TPD52: variants seen among roughly 807,000 people sequenced by gnomAD.
TPD52 encodes the protein tumor protein D52, also known as prostate and colon associated protein.
TPD52 carries 17 observed loss-of-function variants against 31.3 expected under a neutral mutation model. The ratio of observed to expected loss-of-function variants is 0.54; its 90% CI spans 0.37 to 0.82. TPD52 has a LOEUF of 0.82. Ranked by LOEUF, TPD52 falls within the 40% of genes least tolerant of loss-of-function variation. TPD52 has a pLI of 0.00. For synonymous variants in TPD52, 83 were observed against 89.6 expected (o/e 0.93, Z 0.42); for missense variants, 212 against 240.1 (o/e 0.88, Z 0.77).
intron 3 of TPD52, 60 bp downstream of exon 3, chr8:80,053,222 C>T (rs1811543717): frequency 1.9e-6 from 3 of 1,542,584 alleles, no homozygotes; most frequent in Non-Finnish European, 2.6e-6. Flanking sequence ...CCTCTCCAGA[C>T]AAAAGGCACA....
rs1446506911 is a variant in TPD52, at chr8:80,042,735, A to G, written c.456-67T>C. On this transcript the variant is annotated intron_variant, in intron 6 of 7. Transcript: ENST00000518937. ...GAAAAAAAATCCAACTAGTTTGAAA[A>G]TATAATTGATTCCTCTTCAACATTA... The G allele has an allele frequency of 7.1e-6, 10 of 1,399,106 alleles. No individual in the cohort carries two copies. In the East Asian group the frequency reaches 2.3e-4, roughly 32 times the overall value. The allele number at this position is 1,399,106 out of a possible 1,614,324, so 86.7% of individuals were successfully genotyped here. A position where few individuals can be genotyped will look rare whatever the true frequency, so the allele number is the denominator to read the frequency against.
chr8:80,092,009 T>G (rs191970374), intron 1 of TPD52, among the ~76,000 whole-genome samples: 1 of 152,254 alleles, frequency 6.6e-6, no homozygotes, highest in Non-Finnish European at 1.5e-5. Context: ...CTAAAAAGGT[T>G]TGGCTTTTTG....
chr8:80,038,482 T>C (rs1810072406), intron 7 of TPD52, among the ~76,000 whole-genome samples: 1 of 152,182 alleles, frequency 6.6e-6, no homozygotes, highest in African/African-American at 2.4e-5. Context: ...TTCCCCCTGC[T>C]CCTTGTTCTT....
At chr8:80,140,599 A>G (rs1212746642) in intron 1 of TPD52, among the ~76,000 whole-genome samples, 9 of 152,194 alleles carry the variant, frequency 5.9e-5, no homozygotes, top group African/African-American at 1.7e-4. Context: ...AAAAACACCC[A>G]GAGTGCAGGA....
At chr8:80,038,654 GT>G (rs146643627) in intron 7 of TPD52, among the ~76,000 whole-genome samples, 2 of 152,124 alleles carry the variant, frequency 1.3e-5, no homozygotes, top group South Asian at 2.1e-4. Context: ...AGAAATATAT[GT>G]TTTTTTCTCA....
chr8:80,101,845 G>A (rs923205535), intron 1 of TPD52, among the ~76,000 whole-genome samples: 1 of 152,152 alleles, frequency 6.6e-6, no homozygotes, highest in Non-Finnish European at 1.5e-5. Context: ...TCCAACACCG[G>A]GGAGTATCAC....
In TPD52 at chr8:80,080,564, A is replaced by G. The variant is rs182124144; in HGVS notation, c.20-15971T>C. 2.1e-6 allele frequency: 3 copies of G among 1,457,064 alleles called. No individual in the cohort carries two copies. In the East Asian group the frequency reaches 7.0e-5, roughly 34 times the overall value. 90.3% of individuals were successfully genotyped at this position (1,457,064 alleles called of 1,614,324 possible). ...GGGTGCAACTTCACTGAAGAAATCA[A>G]CCCCAGGAGTTAGAGGCCCTGGCTT... On this transcript the variant is annotated intron_variant, in intron 1 of 7. Transcript: ENST00000518937.
At chr8:80,170,732 C>G (rs978103820) in intron 1 of TPD52, among the ~76,000 whole-genome samples, 3 of 152,220 alleles carry the variant, frequency 2.0e-5, no homozygotes, top group Non-Finnish European at 4.4e-5. Context: ...CCATGGCCTA[C>G]TATTGCTCTA....
At chr8:80,044,417 G>A (rs1255190864) in intron 5 of TPD52, among the ~76,000 whole-genome samples, 1 of 152,146 alleles carries the variant, frequency 6.6e-6, no homozygotes, top group Non-Finnish European at 1.5e-5. Flanking sequence ...AGTTACTAGA[G>A]CTAACAATAC....
intron 7 of TPD52, among the ~76,000 whole-genome samples, chr8:80,041,933 C>G (rs1810425065): frequency 6.6e-6 from 1 of 151,762 alleles, no homozygotes. Flanking sequence ...ACTAAAAATA[C>G]AAAAAATTAG....
chr8:80,038,064 T>A lies in TPD52; in HGVS notation c.*52A>T, dbSNP rs1273648603. ...GCAATGCATGTTGACAAGATGTGCT[T>A]GGACCTCGCTTGCAGCATCTGGCAG... On this transcript the variant is annotated 3_prime_UTR_variant, in exon 8 of 8. Transcript: ENST00000518937. 1 of 1,600,772 alleles carries A rather than the reference T, an allele frequency of 6.2e-7. No individual in the cohort carries two copies. The highest frequency in any genetic ancestry group is 8.5e-7 in the Non-Finnish European group (1 of 1,170,184).
intron 1 of TPD52, among the ~76,000 whole-genome samples, chr8:80,099,917 A>C (rs1326852677): frequency 6.6e-6 from 1 of 152,208 alleles, no homozygotes; most frequent in Admixed American, 6.5e-5. Flanking sequence ...TTCTTGGCAA[A>C]TATTTGGTGA....
chr8:80,031,150 G>T (rs759836893), downstream of TPD52, among the ~76,000 whole-genome samples: 1 of 152,096 alleles, frequency 6.6e-6, no homozygotes, highest in Non-Finnish European at 1.5e-5. Flanking sequence ...TTAATCCACA[G>T]TTAGTTTTAT....
intron 1 of TPD52, among the ~76,000 whole-genome samples, chr8:80,075,219 C>T (rs1019925857): frequency 3.3e-5 from 5 of 152,090 alleles, no homozygotes; most frequent in African/African-American, 7.2e-5. Flanking sequence ...CCTCATGATC[C>T]GCCTGCCTCG....
chr8:80,096,085 G>A (rs6987493), intron 1 of TPD52, among the ~76,000 whole-genome samples: 72,992 of 151,860 alleles, frequency 0.48, 17,845 homozygotes, highest in East Asian at 0.72. Context: ...ACAAAAACCC[G>A]TCTCTATGAA....
intron 1 of TPD52, among the ~76,000 whole-genome samples, chr8:80,089,406 T>G (rs1162285012): frequency 1.3e-5 from 2 of 152,192 alleles, no homozygotes; most frequent in East Asian, 3.9e-4. Context: ...GATAAGAGAA[T>G]GAGCTGCATT....
chr8:80,043,229 C>G (rs766918846), intron 6 of TPD52, among the ~76,000 whole-genome samples: 2 of 152,170 alleles, frequency 1.3e-5, no homozygotes, highest in Non-Finnish European at 2.9e-5. Flanking sequence ...CTTCACAACT[C>G]TGTCCCAAAG....
At position 80,085,595 on chromosome 8, in the gene TPD52, A is replaced by T. The variant is rs1025708552; in HGVS notation, c.20-21002T>A. Among the ~76,000 whole-genome samples, 45 of 152,222 alleles carry T rather than the reference A, an allele frequency of 3.0e-4. 1 individual carries two copies. The highest frequency in any genetic ancestry group is 1.1e-3 in the African/African-American group (45 of 41,532). ...GGGCTCCAACTAGCCAATATGGGAC[A>T]ATCAGGCCGCCAAAAAAATTAGGGA... On this transcript the variant is annotated intron_variant, in intron 1 of 7. Transcript: ENST00000518937.
chr8:80,092,061 G>C (rs1439353200), intron 1 of TPD52, among the ~76,000 whole-genome samples: 1 of 152,092 alleles, frequency 6.6e-6, no homozygotes, highest in Non-Finnish European at 1.5e-5. Flanking sequence ...CATGTATATG[G>C]GGGCACAAAT....
Sources: gnomAD v4.1 joint callset for allele counts (sites outside exome capture counted in the v4.1 genomes callset) on GRCh38, gnomAD v4.1.1 for gene constraint, MANE v1.5 for transcripts, NCBI Gene and HGNC (gene_info 2026-07-23, HGNC 2026-07-21) for gene names.